The following HELZ variants were observed in gnomAD, a reference collection of about 807,000 sequenced individuals.
The protein encoded by HELZ is ATP-dependent RNA helicase with zinc finger domain.
In HELZ, 23 loss-of-function variants were observed where a neutral mutation model predicts 218.2. The observed-to-expected ratio is 0.11, with a 90% CI of 0.08 to 0.15. HELZ has a LOEUF of 0.15. HELZ is among the 10% of genes least tolerant of loss of function. The probability of loss-of-function intolerance (pLI) is 1.00; values close to 1 mark genes in which losing one functional copy is unlikely to be tolerated. For synonymous variants in HELZ, 814 were observed against 829.4 expected, an observed-to-expected ratio of 0.98 and a Z score of 0.32; for missense variants, 1,813 against 2,353.7, an observed-to-expected ratio of 0.77 and a Z score of 4.75.
rs145612789 is a variant in HELZ, at chr17:67,117,760, C to T, written c.3838+2645G>A. Among the ~76,000 whole-genome samples the T allele has an allele frequency of 4.5e-4, 68 of 152,018 alleles. 3 individuals are homozygous for T. The East Asian group carries it at 0.012, about 27-fold the overall frequency. On this transcript the variant is annotated intron_variant, in intron 27 of 32. Transcript: ENST00000358691. Reference sequence around the variant, plus strand: ...AGACAGGGTTTTTCCATGTTGGCCACGCCTGGTCTCGAACTCTTGACCTCA... The same window carrying T: ...AGACAGGGTTTTTCCATGTTGGCCATGCCTGGTCTCGAACTCTTGACCTCA...
chr17:67,086,706 C>CA (rs2036403706), intron 32 of HELZ, 123 bp downstream of exon 32: 1 of 776,444 alleles, frequency 1.3e-6, no homozygotes, highest in Admixed American at 2.4e-5. Context: ...GAGCTATTAG[C>CA]ATCATTAAAT....
At chr17:67,213,730 T>C (rs146822828) in intron 5 of HELZ, among the ~76,000 whole-genome samples, 102 of 152,228 alleles carry the variant, frequency 6.7e-4, no homozygotes, top group African/African-American at 2.4e-3. Flanking sequence ...AGAACATATG[T>C]TTATTACAGG....
chr17:67,132,359 G>A (rs375151028), intron 23 of HELZ, among the ~76,000 whole-genome samples: 2 of 152,102 alleles, frequency 1.3e-5, no homozygotes, highest in Non-Finnish European at 2.9e-5. Context: ...TTCTCCAAAC[G>A]CCTTGGTTTG....
intron 31 of HELZ, among the ~76,000 whole-genome samples, chr17:67,103,499 T>A (rs935088377): frequency 6.6e-6 from 1 of 152,126 alleles, no homozygotes; most frequent in African/African-American, 2.4e-5. Flanking sequence ...TATGATAGCA[T>A]GAGAAAGAAT....
intron 12 of HELZ, among the ~76,000 whole-genome samples, chr17:67,182,907 T>C (rs1392070682): frequency 6.6e-6 from 1 of 152,082 alleles, no homozygotes; most frequent in Non-Finnish European, 1.5e-5. Flanking sequence ...AAAATACCTT[T>C]AACAGGACCT....
intron 11 of HELZ, among the ~76,000 whole-genome samples, chr17:67,189,002 T>A (rs2144284995): frequency 6.6e-6 from 1 of 152,290 alleles, no homozygotes; most frequent in South Asian, 2.1e-4. Context: ...TGAAGCTAAC[T>A]GTTCTTAGAT....
intron 12 of HELZ, among the ~76,000 whole-genome samples, chr17:67,184,108 G>C (rs2039686103): frequency 1.3e-5 from 2 of 151,896 alleles, no homozygotes; most frequent in South Asian, 4.2e-4. Flanking sequence ...CAATGAACTA[G>C]AGAAATATAA....
intron 3 of HELZ, among the ~76,000 whole-genome samples, chr17:67,234,943 C>A (rs1281026404): frequency 6.6e-6 from 1 of 152,192 alleles, no homozygotes; most frequent in Non-Finnish European, 1.5e-5. Context: ...CCCAAGAAGG[C>A]AGTATCGCTC....
In HELZ at chr17:67,218,735, T is replaced by C; in HGVS notation, c.70A>G (p.Met24Val). 6.2e-7 allele frequency: 1 copy of C among 1,614,232 alleles called. No individual in the cohort carries two copies. Among genetic ancestry groups the C allele is most frequent in the Non-Finnish European group, 8.5e-7 (1 of 1,180,038 alleles). The stretch of plus-strand genomic sequence containing the variant: ...GCCTCTGTGCAGTGCTTGAGGGCCA[T>C]TTCATAGTCCTGCCTCTTAAGTGAT... ...CESLKRQDYE[M>V]ALKHCTEALL... Residue 24 changes from methionine to valine, a missense_variant, in exon 4 of 33, where the codon ATG becomes GTG. Physicochemically the swap from Met to Val is conservative, Grantham distance 21. Coordinates refer to ENST00000358691, the MANE Select transcript of HELZ (RefSeq NM_014877.4).
At chr17:67,112,511 T>C (rs573423527) in intron 28 of HELZ, among the ~76,000 whole-genome samples, 254 of 152,282 alleles carry the variant, frequency 1.7e-3, no homozygotes, top group Non-Finnish European at 2.6e-3. Context: ...CCCCCACTTA[T>C]CTATCAGGAG....
intron 9 of HELZ, among the ~76,000 whole-genome samples, chr17:67,191,641 G>A (rs1424791806): frequency 1.3e-5 from 2 of 151,632 alleles, no homozygotes; most frequent in Non-Finnish European, 2.9e-5. Flanking sequence ...TTTTAGTAGA[G>A]ATGGGGTTGC....
intron 27 of HELZ, 75 bp downstream of exon 27, chr17:67,120,330 A>G (rs2037568155): frequency 1.6e-6 from 2 of 1,216,360 alleles, no homozygotes; most frequent in Admixed American, 3.6e-5. Flanking sequence ...TCATACTGTT[A>G]AAGGAACTTT....
In HELZ at chr17:67,235,745, C is replaced by T. The variant is rs143933998; in HGVS notation, c.-19+3688G>A. On this transcript the variant is annotated intron_variant, in intron 3 of 32. Transcript: ENST00000358691. ...AAGATCATTTACCATTTTGACCACA[C>T]ACTCTTTTTTTTTTTTTTTTTTTTT... Among the ~76,000 whole-genome samples the T allele has an allele frequency of 1.4e-4, 20 of 144,794 alleles. No homozygotes were observed. In the East Asian group the frequency reaches 2.6e-3, roughly 19 times the overall value. 95.0% of individuals were successfully genotyped at this position (144,794 alleles called of 152,430 possible). A position where few individuals can be genotyped will look rare whatever the true frequency, so the allele number is the denominator to read the frequency against.
intron 9 of HELZ, among the ~76,000 whole-genome samples, chr17:67,192,029 C>T (rs1489420827): frequency 6.6e-6 from 1 of 151,514 alleles, no homozygotes; most frequent in African/African-American, 2.4e-5. Flanking sequence ...CATGCAGAAA[C>T]CCTGTCTCTA....
rs2037181640 is a variant in HELZ, at chr17:67,108,630, C to T, written c.4586G>A (p.Ser1529Asn). The change falls in exon 30 of 33, where the codon AGC becomes AAC. Residue 1529 changes from serine to asparagine, a missense_variant. By Grantham distance (46) the Ser-to-Asn change is conservative. Around this residue, in one of 4 missense-constraint regions of HELZ, gnomAD observed 938 missense variants for 1,027.5 expected, o/e 0.91. Coordinates refer to ENST00000358691, the MANE Select transcript of HELZ (RefSeq NM_014877.4). This position sits in a 1 kb window ranked among gnomAD's most constrained non-coding sequence, Gnocchi z 4.1. ...SEHHAFLSQG[S>N]APYPHHHHPH... Reference sequence around the variant, plus strand: ...ATGGTGATGGTGTGGGTATGGAGCGCTGCCCTGACTGAGAAAGGCATGATG... The same window carrying T: ...ATGGTGATGGTGTGGGTATGGAGCGTTGCCCTGACTGAGAAAGGCATGATG... The T allele has an allele frequency of 2.5e-6, 4 of 1,613,922 alleles. No homozygotes were observed. The highest frequency in any genetic ancestry group is 1.7e-5 in the Admixed American group (1 of 60,000).
Position 67,137,919 on chromosome 17 carries a change from A to G in HELZ, c.2953+12T>C. ...CATTTGAATGACTGAATTCATTTCA[A>G]TTGACACTTACCTTGAACATTTAGC... On this transcript the variant is annotated intron_variant, in intron 22 of 32. Transcript: ENST00000358691. The G allele has an allele frequency of 6.3e-7, 1 of 1,575,810 alleles. No individual in the cohort carries two copies. The highest frequency in any genetic ancestry group is 2.3e-5 in the East Asian group (1 of 43,956).
At position 67,188,720 on chromosome 17, in the gene HELZ, C is replaced by T; in HGVS notation, c.865-104G>A. 2.3e-6 allele frequency: 2 copies of T among 882,972 alleles called. No homozygotes were observed. The highest frequency in any genetic ancestry group is 3.5e-6 in the Non-Finnish European group (2 of 579,190). The allele number at this position is 882,972 out of a possible 1,614,324, so 54.7% of individuals were successfully genotyped here. A position where few individuals can be genotyped will look rare whatever the true frequency, so the allele number is the denominator to read the frequency against. ...TTTCCATAAGGGACTTTTACTTCCC[C>T]AAGCTTCTAAGATACTATAGCCATT... is the stretch of plus-strand genomic sequence containing the variant. On this transcript the variant is annotated intron_variant, in intron 11 of 32. Coordinates refer to ENST00000358691, the MANE Select transcript of HELZ (RefSeq NM_014877.4). This position sits in a 1 kb window ranked among gnomAD's most constrained non-coding sequence, Gnocchi z 4.1.
chr17:67,153,962 G>A (rs903337441), intron 17 of HELZ, among the ~76,000 whole-genome samples: 1 of 152,172 alleles, frequency 6.6e-6, no homozygotes, highest in Non-Finnish European at 1.5e-5. Context: ...CCTTCAGTTA[G>A]TCTAAAATTT....
intron 31 of HELZ, among the ~76,000 whole-genome samples, chr17:67,103,283 T>G (rs1031932684): frequency 4.6e-5 from 7 of 151,870 alleles, no homozygotes; most frequent in African/African-American, 1.7e-4. Flanking sequence ...GAAAAAGAAA[T>G]AAAAGGCATT....
Sources: gnomAD v4.1 joint callset for allele counts (sites outside exome capture counted in the v4.1 genomes callset) on GRCh38, gnomAD v4.1.1 for gene constraint, gnomAD v4.1.1 regional missense constraint, Gnocchi (gnomAD v3.1) non-coding constraint, MANE v1.5 for transcripts, NCBI Gene and HGNC (gene_info 2026-07-23, HGNC 2026-07-21) for gene names.